LIPI: variants seen among roughly 807,000 people sequenced by gnomAD.
LIPI encodes lipase I, also known as lipase member I.
In LIPI, 59 loss-of-function variants were observed where a neutral mutation model predicts 50.6. The ratio of observed to expected loss-of-function variants is 1.16; its 90% confidence interval spans 0.94 to 1.45. The LOEUF (loss-of-function observed/expected upper bound fraction) is 1.45, where lower values mean the gene tolerates loss of function less well. LIPI is among the 40% of genes most tolerant of loss of function. LIPI has a pLI of 0.00. For synonymous variants in LIPI, 203 were observed against 178.2 expected (o/e 1.14, Z -1.11); for missense variants, 586 against 536.3 (o/e 1.09, Z -0.92).
chr21:14,151,757 G>T (rs193301682), intron 8 of LIPI, among the ~76,000 whole-genome samples: 1 of 152,134 alleles, frequency 6.6e-6, no homozygotes, highest in Admixed American at 6.5e-5. Flanking sequence ...CAAGCCAAGA[G>T]CATTCTTTTA....
At chr21:14,159,625 G>T (rs1235820155) in intron 7 of LIPI, among the ~76,000 whole-genome samples, 1 of 151,012 alleles carries the variant, frequency 6.6e-6, no homozygotes, top group African/African-American at 2.4e-5. Context: ...AAATAGCACT[G>T]GAAGTTCTAG....
At chr21:14,140,871 A>G (rs964137150) in intron 9 of LIPI, among the ~76,000 whole-genome samples, 1 of 152,064 alleles carries the variant, frequency 6.6e-6, no homozygotes, top group Non-Finnish European at 1.5e-5. Flanking sequence ...TCATCTTATT[A>G]TTTGTAATTC....
intron 9 of LIPI, among the ~76,000 whole-genome samples, chr21:14,111,757 G>T (rs2016422577): frequency 6.6e-6 from 1 of 152,010 alleles, no homozygotes; most frequent in African/African-American, 2.4e-5. Context: ...ATTTGGAGTT[G>T]AATTTTTTGT....
In LIPI at chr21:14,163,493, A is replaced by C; in HGVS notation, c.932T>G (p.Leu311Ter). The C allele has an allele frequency of 6.3e-7, 1 of 1,584,722 alleles. No homozygotes were observed. The highest frequency in any genetic ancestry group is 8.7e-7 in the Non-Finnish European group (1 of 1,153,506). Residue 311 changes from leucine (L) to a stop codon, truncating the protein, a stop_gained, in exon 7 of 10, where the codon TTA (leucine) becomes TGA (stop). Transcript: ENST00000681601. LOFTEE classifies it high-confidence loss of function. ...GYQAKLFKGV[L>*]KERMEGRPLR... ...AGGTCTTCCTTCCATCCTTTCTTTTAAAACACCTTTAAATAGCTTGGCTTG... is the reference window on the plus strand; with the variant it reads ...AGGTCTTCCTTCCATCCTTTCTTTTCAAACACCTTTAAATAGCTTGGCTTG...
At chr21:14,156,902 G>A (rs1054845636) in intron 7 of LIPI, among the ~76,000 whole-genome samples, 2 of 151,826 alleles carry the variant, frequency 1.3e-5, no homozygotes, top group Non-Finnish European at 2.9e-5. Flanking sequence ...CTAATGGAAT[G>A]AATAAGGATG....
At chr21:14,170,482 C>A (rs546778038) in intron 4 of LIPI, among the ~76,000 whole-genome samples, 3 of 152,054 alleles carry the variant, frequency 2.0e-5, no homozygotes, top group Admixed American at 6.6e-5. Context: ...ACTGGCAAAC[C>A]GAATCCAGCA....
chr21:14,136,419 G>C (rs1600849418), intron 9 of LIPI, among the ~76,000 whole-genome samples: 1 of 152,268 alleles, frequency 6.6e-6, no homozygotes, highest in Middle Eastern at 3.4e-3. Flanking sequence ...GAAAATCACT[G>C]GTAGTCTGGC....
At chr21:14,115,956 C>T (rs1460053601) in intron 9 of LIPI, among the ~76,000 whole-genome samples, 1 of 152,074 alleles carries the variant, frequency 6.6e-6, no homozygotes, top group Non-Finnish European at 1.5e-5. Context: ...GCAAGTGCAG[C>T]AAGGTAGAGC....
chr21:14,127,234 C>A (rs563229481), intron 9 of LIPI, among the ~76,000 whole-genome samples: 44 of 152,234 alleles, frequency 2.9e-4, no homozygotes, highest in Non-Finnish European at 6.2e-4. Context: ...CTCACATTCC[C>A]AATAATTTGG....
At chr21:14,151,266 T>C (rs929411401) in intron 8 of LIPI, among the ~76,000 whole-genome samples, 1 of 152,226 alleles carries the variant, frequency 6.6e-6, no homozygotes, top group African/African-American at 2.4e-5. Context: ...TAACATTAAA[T>C]ACTTTCACTG....
chr21:14,113,639 A>T (rs2016501918), intron 9 of LIPI, among the ~76,000 whole-genome samples: 1 of 134,016 alleles, frequency 7.5e-6, no homozygotes, highest in Non-Finnish European at 1.6e-5. Flanking sequence ...ACAGAAAAAA[A>T]ATCTCAAAAA....
intron 1 of LIPI, among the ~76,000 whole-genome samples, chr21:14,202,633 T>G (rs1000182897): frequency 1.3e-5 from 2 of 152,138 alleles, no homozygotes; most frequent in African/African-American, 4.8e-5. Flanking sequence ...TAGCCATATG[T>G]AGAAAGCTGA....
intron 7 of LIPI, among the ~76,000 whole-genome samples, chr21:14,153,383 T>G (rs1178099342): frequency 6.6e-6 from 1 of 152,176 alleles, no homozygotes; most frequent in African/African-American, 2.4e-5. Flanking sequence ...ACTTCTCACT[T>G]TGAAGTTACC....
intron 9 of LIPI, among the ~76,000 whole-genome samples, chr21:14,109,725 T>C (rs1355214476): frequency 2.6e-5 from 4 of 152,036 alleles, no homozygotes; most frequent in Non-Finnish European, 1.5e-5. Context: ...AGTAAATACA[T>C]ATTTTTGCAA....
At chr21:14,152,543 T>C (rs767898982) in intron 8 of LIPI, 30 bp downstream of exon 8, 2 of 1,056,208 alleles carry the variant, frequency 1.9e-6, no homozygotes, top group Non-Finnish European at 2.9e-6. Context: ...ATTGAATATA[T>C]GAGAGAAGAA....
At chr21:14,174,891 C>A (rs1410793771) in intron 4 of LIPI, among the ~76,000 whole-genome samples, 1 of 152,120 alleles carries the variant, frequency 6.6e-6, no homozygotes, top group African/African-American at 2.4e-5. Context: ...CTCCCAAAAC[C>A]CTATAGTTTA....
chr21:14,162,132 AAT>A (rs2018520510), intron 7 of LIPI, among the ~76,000 whole-genome samples: 1 of 150,728 alleles, frequency 6.6e-6, no homozygotes, highest in Non-Finnish European at 1.5e-5. Context: ...ATTACTATGG[AAT>A]ACTACTCAGC....
chr21:14,112,172 C>T (rs9982308), intron 9 of LIPI, among the ~76,000 whole-genome samples: 76,289 of 151,876 alleles, frequency 0.5, 19,208 homozygotes, highest in Admixed American at 0.53. Flanking sequence ...TTTCTAGGCT[C>T]TCTGTTCTGT....
intron 4 of LIPI, among the ~76,000 whole-genome samples, chr21:14,170,963 A>G (rs1440950228): frequency 6.6e-6 from 1 of 151,460 alleles, no homozygotes; most frequent in Non-Finnish European, 1.5e-5. Context: ...TATCTAGAAA[A>G]CCCCATTTTC....
Sources: allele counts gnomAD v4.1 joint callset (sites outside exome capture counted in the v4.1 genomes callset), GRCh38; gene constraint gnomAD v4.1.1; transcripts MANE v1.5; gene names NCBI Gene and HGNC (gene_info 2026-07-23, HGNC 2026-07-21).